REC114: variants seen among roughly 807,000 people sequenced by gnomAD.
REC114 encodes meiotic recombination protein REC114.
REC114 carries 27 observed loss-of-function variants against 31.3 expected under a neutral mutation model. That is an observed-to-expected ratio of 0.86 (90% CI 0.64 to 1.19). The LOEUF is 1.19. Ranked by LOEUF, REC114 falls within the 50% of genes most tolerant of loss-of-function variation. The pLI, the probability that REC114 is intolerant of heterozygous loss-of-function variation, is 0.00. For missense variants in REC114, 344 were observed against 326.9 expected (o/e 1.05, Z -0.40); for synonymous variants, 134 against 127.7 (o/e 1.05, Z -0.33).
chr15:73,478,926 A>T (rs1893254243), intron 2 of REC114, among the ~76,000 whole-genome samples: 1 of 152,016 alleles, frequency 6.6e-6, no homozygotes, highest in South Asian at 2.1e-4. Flanking sequence ...ATCTTGCTGA[A>T]CTCATTAGTT....
chr15:73,556,141 C>T (rs903992148), intron 4 of REC114, among the ~76,000 whole-genome samples, 161 bp from the exon 5 acceptor site: 3 of 152,230 alleles, frequency 2.0e-5, no homozygotes, highest in African/African-American at 7.2e-5. Context: ...TCAAGTAACC[C>T]TCCGTTTAAA....
chr15:73,456,886 T>G (rs1595859956), intron 1 of REC114, among the ~76,000 whole-genome samples: 2 of 152,276 alleles, frequency 1.3e-5, no homozygotes, highest in South Asian at 4.1e-4. Flanking sequence ...GATGAAGAAT[T>G]TTGAGATTAA....
intron 2 of REC114, among the ~76,000 whole-genome samples, chr15:73,513,191 C>T (rs1893800541): frequency 6.7e-6 from 1 of 148,446 alleles, no homozygotes; most frequent in Non-Finnish European, 1.5e-5. Flanking sequence ...TCATTTCATT[C>T]ATTTCATCTT....
intron 3 of REC114, among the ~76,000 whole-genome samples, chr15:73,542,945 A>C (rs535508674): frequency 1.4e-4 from 15 of 108,030 alleles, no homozygotes; most frequent in Admixed American, 8.2e-4. Flanking sequence ...AGAAGTATAC[A>C]CTTTTTTTTT....
chr15:73,538,216 A>G (rs925843433), intron 2 of REC114, among the ~76,000 whole-genome samples: 3 of 152,210 alleles, frequency 2.0e-5, no homozygotes, highest in African/African-American at 4.8e-5. Flanking sequence ...TGAAAATCCA[A>G]CATCCAAATT....
intron 2 of REC114, among the ~76,000 whole-genome samples, chr15:73,520,278 C>T (rs756180537): frequency 6.6e-6 from 1 of 152,052 alleles, no homozygotes; most frequent in African/African-American, 2.4e-5. Flanking sequence ...GTAGCCCAGG[C>T]TGGAGTGCAG....
Position 73,443,266 on chromosome 15 carries a change from C to G in REC114, c.81C>G (p.Ala27=). ...CAGAGTGGCCTCTGCAGCGGTACGC[C>G]CGCTGCATACCCTCAAACACCAGAG... ...EAAEWPLQRY[A]RCIPSNTRDP... is the part of the protein sequence containing the mutation. Residue 27 remains alanine (A), a synonymous_variant, in exon 1 of 6, where the codon GCC becomes GCG. Coordinates refer to ENST00000331090, the MANE Select transcript of REC114 (RefSeq NM_001042367.2). 1 of 1,576,078 alleles carries G rather than the reference C, an allele frequency of 6.3e-7. No individual in the cohort carries two copies. Among genetic ancestry groups the G allele is most frequent in the South Asian group, 1.2e-5 (1 of 85,682 alleles).
chr15:73,443,400 G>C, intron 1 of REC114, 56 bp downstream of exon 1: 2 of 1,501,904 alleles, frequency 1.3e-6, no homozygotes, highest in Non-Finnish European at 1.8e-6. Context: ...AGGAGGGGAG[G>C]CTCCGCGAAT....
chr15:73,459,744 A>G (rs1161860198), intron 1 of REC114, among the ~76,000 whole-genome samples: 1 of 152,216 alleles, frequency 6.6e-6, no homozygotes, highest in Admixed American at 6.5e-5. Flanking sequence ...AGCTTTAAGA[A>G]CCAGTGCATG....
chr15:73,496,666 A>T (rs1175765531), intron 2 of REC114, among the ~76,000 whole-genome samples: 1 of 151,968 alleles, frequency 6.6e-6, no homozygotes, highest in African/African-American at 2.4e-5. Flanking sequence ...AAAAAAAAAA[A>T]AAATTGCAAA....
intron 2 of REC114, among the ~76,000 whole-genome samples, chr15:73,525,288 CT>C (rs1422661582): frequency 6.6e-6 from 1 of 152,028 alleles, no homozygotes; most frequent in Non-Finnish European, 1.5e-5. Context: ...CTTGATCAAT[CT>C]AGATAGAGAT....
chr15:73,520,036 T>A (rs939076660), intron 2 of REC114, among the ~76,000 whole-genome samples: 2 of 152,214 alleles, frequency 1.3e-5, no homozygotes, highest in Admixed American at 1.3e-4. Flanking sequence ...ATGAAAAAGT[T>A]CTGGAGATCT....
In REC114 at chr15:73,490,667, T is replaced by C. The variant is rs139847947; in HGVS notation, c.249+16746T>C. On this transcript the variant is annotated intron_variant, in intron 2 of 5. Coordinates refer to ENST00000331090, the MANE Select transcript of REC114 (RefSeq NM_001042367.2). ...CCCTGGTCGCACCACTGTATTCCAG[T>C]CTGAGCAACAGAGCAAGACCTTGTC... 4.8e-3 allele frequency among the ~76,000 whole-genome samples: 730 copies of C among 152,284 alleles called. 6 individuals carry two copies. The highest frequency in any genetic ancestry group is 0.017 in the African/African-American group (692 of 41,556).
chr15:73,537,878 A>G (rs1441103284), intron 2 of REC114, among the ~76,000 whole-genome samples: 1 of 152,156 alleles, frequency 6.6e-6, no homozygotes, highest in Non-Finnish European at 1.5e-5. Flanking sequence ...CCTCTTGTGT[A>G]TTAGTCCTCT....
At chr15:73,460,015 A>G (rs746650646) in intron 1 of REC114, among the ~76,000 whole-genome samples, 1 of 152,140 alleles carries the variant, frequency 6.6e-6, no homozygotes, top group African/African-American at 2.4e-5. Context: ...TGTAGAGTGC[A>G]TGGGCTTTTG....
Position 73,491,062 on chromosome 15 carries a change from TATGG to T in REC114, c.249+17145_249+17148del, listed in dbSNP as rs548054239. On this transcript the variant is annotated intron_variant, in intron 2 of 5. Transcript: ENST00000331090. ...TTTTTTGTTGATTTGTATTTCATTT[TATGG>T]ATGTACCACAATTTGCTCATCTATT... Among the ~76,000 whole-genome samples, 659 of 135,382 alleles carry T rather than the reference TATGG, an allele frequency of 4.9e-3. 3 individuals carry two copies. Among genetic ancestry groups the T allele is most frequent in the Non-Finnish European group, 9.0e-3 (553 of 61,204 alleles). The allele number at this position is 135,382 out of a possible 152,430, so 88.8% of individuals were successfully genotyped here.
chr15:73,458,853 A>G (rs994632150), intron 1 of REC114, among the ~76,000 whole-genome samples: 1 of 152,222 alleles, frequency 6.6e-6, no homozygotes, highest in Non-Finnish European at 1.5e-5. Context: ...TCTGTATTCC[A>G]CAAGTTCATA....
intron 2 of REC114, among the ~76,000 whole-genome samples, chr15:73,507,364 T>A (rs1249526902): frequency 6.6e-6 from 1 of 152,168 alleles, no homozygotes; most frequent in East Asian, 1.9e-4. Context: ...TTATGAGATT[T>A]TTTTTTTAAA....
chr15:73,492,326 A>G (rs1351333963), intron 2 of REC114, among the ~76,000 whole-genome samples: 1 of 152,116 alleles, frequency 6.6e-6, no homozygotes, highest in Non-Finnish European at 1.5e-5. Context: ...TATTATATTT[A>G]TGGGACTTGT....
Sources: allele counts gnomAD v4.1 joint callset (sites outside exome capture counted in the v4.1 genomes callset), GRCh38; gene constraint gnomAD v4.1.1; transcripts MANE v1.5; gene names NCBI Gene and HGNC (gene_info 2026-07-23, HGNC 2026-07-21).